AMBRA1: variants seen among roughly 807,000 people sequenced by gnomAD.
AMBRA1 encodes activating molecule in BECN1-regulated autophagy protein 1.
Under a neutral mutation model 125.4 loss-of-function variants are expected in AMBRA1, and 47 were observed. That is an observed-to-expected ratio of 0.37 (90% CI 0.30 to 0.48). The LOEUF is 0.48. Ranked by LOEUF, AMBRA1 falls within the 20% of genes least tolerant of loss-of-function variation. The probability of loss-of-function intolerance (pLI) is 0.99; values close to 1 mark genes in which losing one functional copy is unlikely to be tolerated. For synonymous variants in AMBRA1, 626 were observed against 655.5 expected (o/e 0.95, Z 0.69); for missense variants, 1,331 against 1,693.4 (o/e 0.79, Z 3.76).
intron 11 of AMBRA1, among the ~76,000 whole-genome samples, chr11:46,478,743 C>T (rs1269459140): frequency 8.0e-5 from 12 of 150,172 alleles, no homozygotes; most frequent in Non-Finnish European, 1.6e-4. Flanking sequence ...CAACCTCCAC[C>T]TCCCGGGTTC....
chr11:46,428,957 C>T, intron 14 of AMBRA1: 1 of 1,612,372 alleles, frequency 6.2e-7, no homozygotes, highest in Admixed American at 1.7e-5. Flanking sequence ...GTAGAAATGT[C>T]TCCAGGCAAA....
At chr11:46,418,508 G>T (rs886809430) in intron 14 of AMBRA1, among the ~76,000 whole-genome samples, 1 of 151,264 alleles carries the variant, frequency 6.6e-6, no homozygotes, top group South Asian at 2.1e-4. Context: ...CCATTAACTC[G>T]TCAGTCACAT....
intron 1 of AMBRA1, among the ~76,000 whole-genome samples, chr11:46,588,336 A>C (rs1284768821): frequency 6.6e-6 from 1 of 152,218 alleles, no homozygotes; most frequent in Non-Finnish European, 1.5e-5. Context: ...CATCTCAAAA[A>C]AAATAAACAG....
In AMBRA1 at chr11:46,450,270, G is replaced by A. The variant is rs78171794; in HGVS notation, c.2522-6672C>T. On this transcript the variant is annotated intron_variant, in intron 11 of 17. Coordinates refer to ENST00000683756, the MANE Select transcript of AMBRA1 (RefSeq NM_001387011.1). ...TATCAATCCACAAAAAGACATGGAG[G>A]AACCTTAAGTGCATGTTACTAAATG... 7.0e-3 allele frequency among the ~76,000 whole-genome samples: 1,059 copies of A among 152,178 alleles called. 10 individuals are homozygous for A. Among genetic ancestry groups the A allele is most frequent in the African/African-American group, 0.022 (925 of 41,516 alleles).
At chr11:46,572,964 G>T (rs955859210) in intron 1 of AMBRA1, among the ~76,000 whole-genome samples, 1 of 151,544 alleles carries the variant, frequency 6.6e-6, no homozygotes, top group Non-Finnish European at 1.5e-5. Flanking sequence ...GGTGGTGGAC[G>T]CCTGTAATCC....
At chr11:46,401,511 G>A (rs567805719) in intron 17 of AMBRA1, among the ~76,000 whole-genome samples, 2 of 152,274 alleles carry the variant, frequency 1.3e-5, no homozygotes, top group African/African-American at 4.8e-5. Context: ...AGTTCTGGGA[G>A]GCATGAGCCA....
At chr11:46,564,231 A>G (rs11038919) in intron 1 of AMBRA1, among the ~76,000 whole-genome samples, 26,375 of 150,742 alleles carry the variant, frequency 0.17, 2,405 homozygotes, top group African/African-American at 0.24. Flanking sequence ...AAAAAAAAAA[A>G]AGAGAAATCC....
At chr11:46,583,150 G>A (rs1161129157) in intron 1 of AMBRA1, among the ~76,000 whole-genome samples, 1 of 152,082 alleles carries the variant, frequency 6.6e-6, no homozygotes, top group Non-Finnish European at 1.5e-5. Context: ...TACCAAAACA[G>A]AGATATTGAT....
At chr11:46,589,814 G>A (rs1395677285) in intron 1 of AMBRA1, among the ~76,000 whole-genome samples, 1 of 151,528 alleles carries the variant, frequency 6.6e-6, no homozygotes, top group African/African-American at 2.4e-5. Context: ...AGTAGAGAAG[G>A]GGTTTCACCG....
chr11:46,585,211 T>G (rs554821214), intron 1 of AMBRA1, among the ~76,000 whole-genome samples: 1 of 152,086 alleles, frequency 6.6e-6, no homozygotes, highest in South Asian at 2.1e-4. Flanking sequence ...ACACAAACAC[T>G]GCGGAAGGCC....
intron 7 of AMBRA1, among the ~76,000 whole-genome samples, chr11:46,538,568 A>T (rs546186291): frequency 6.6e-6 from 1 of 152,208 alleles, no homozygotes; most frequent in African/African-American, 2.4e-5. Flanking sequence ...ATCTCGGCTC[A>T]CTGCAACCTC....
chr11:46,581,939 A>T (rs2044189147), intron 1 of AMBRA1, among the ~76,000 whole-genome samples: 1 of 151,726 alleles, frequency 6.6e-6, no homozygotes, highest in African/African-American at 2.4e-5. Context: ...CAACATAGTG[A>T]GGCTTTGTCT....
At chr11:46,428,889 C>A in intron 14 of AMBRA1, 2 of 1,611,902 alleles carry the variant, frequency 1.2e-6, no homozygotes, top group Non-Finnish European at 1.7e-6. Flanking sequence ...GGCACAATCT[C>A]TGGGGGCAGA....
At chr11:46,525,029 A>C (rs1030230477) in intron 7 of AMBRA1, among the ~76,000 whole-genome samples, 2 of 152,190 alleles carry the variant, frequency 1.3e-5, no homozygotes, top group African/African-American at 2.4e-5. Flanking sequence ...GCTGGGCATG[A>C]TGTCTCATGC....
At chr11:46,580,748 C>T (rs2044140495) in intron 1 of AMBRA1, among the ~76,000 whole-genome samples, 1 of 152,144 alleles carries the variant, frequency 6.6e-6, no homozygotes, top group Admixed American at 6.6e-5. Context: ...TCTTCTCTTT[C>T]CAAACCCCTC....
intron 1 of AMBRA1, among the ~76,000 whole-genome samples, chr11:46,589,471 AC>A (rs1453573129): frequency 1.3e-5 from 2 of 152,154 alleles, no homozygotes; most frequent in Non-Finnish European, 2.9e-5. Context: ...GGTAAACCAA[AC>A]CACTGGGCAA....
intron 17 of AMBRA1, among the ~76,000 whole-genome samples, chr11:46,405,420 A>C (rs1311339434): frequency 2.6e-5 from 4 of 152,188 alleles, no homozygotes; most frequent in African/African-American, 7.2e-5. Flanking sequence ...GTGAAATCAA[A>C]TCAGAAAGGG....
intron 7 of AMBRA1, among the ~76,000 whole-genome samples, chr11:46,527,237 T>G (rs1952011568): frequency 6.6e-6 from 1 of 151,952 alleles, no homozygotes; most frequent in Admixed American, 6.6e-5. Context: ...CCCTGCATTT[T>G]GGGAAGTCAA....
chr11:46,527,222 G>C (rs1034382292), intron 7 of AMBRA1, among the ~76,000 whole-genome samples: 1 of 152,040 alleles, frequency 6.6e-6, no homozygotes, highest in African/African-American at 2.4e-5. Flanking sequence ...GCTCACTCCT[G>C]TAATCCCTGC....
Sources: allele counts gnomAD v4.1 joint callset (sites outside exome capture counted in the v4.1 genomes callset), GRCh38; gene constraint gnomAD v4.1.1; transcripts MANE v1.5; gene names NCBI Gene and HGNC (gene_info 2026-07-23, HGNC 2026-07-21).